The following GRID2 variants were observed in gnomAD, a reference collection of about 807,000 sequenced individuals.
GRID2 encodes glutamate receptor ionotropic, delta-2.
A neutral mutation model predicts 114.8 loss-of-function variants in GRID2; 33 were observed. The observed-to-expected ratio is 0.29, with a 90% CI of 0.22 to 0.38. GRID2 has a LOEUF of 0.38. Ranked by LOEUF, GRID2 falls within the 10% of genes least tolerant of loss-of-function variation. The pLI is 1.00. For synonymous variants in GRID2, 505 were observed against 449.9 expected (o/e 1.12, Z -1.55); for missense variants, 1,184 against 1,257.7 (o/e 0.94, Z 0.89).
chr4:92,447,662 A>C (rs1733542396), intron 1 of GRID2, among the ~76,000 whole-genome samples: 1 of 152,238 alleles, frequency 6.6e-6, no homozygotes, highest in African/African-American at 2.4e-5. Context: ...GGATGCTGAG[A>C]AGTCCAAAAT....
chr4:93,632,723 C>T (rs975473002), intron 14 of GRID2, among the ~76,000 whole-genome samples: 1 of 152,076 alleles, frequency 6.6e-6, no homozygotes, highest in African/African-American at 2.4e-5. Context: ...TCCATATGAA[C>T]TTTCAAGTCG....
intron 1 of GRID2, among the ~76,000 whole-genome samples, chr4:92,387,363 A>C (rs1230851148): frequency 6.6e-6 from 1 of 151,990 alleles, no homozygotes; most frequent in Non-Finnish European, 1.5e-5. Context: ...AAACCAAAAT[A>C]ACAAACAGCA....
chr4:92,399,044 G>C (rs1730648669), intron 1 of GRID2, among the ~76,000 whole-genome samples: 1 of 152,226 alleles, frequency 6.6e-6, no homozygotes, highest in African/African-American at 2.4e-5. Context: ...GGTTTAGTTA[G>C]AGACCAAATT....
chr4:93,752,258 A>C (rs1732385985), intron 14 of GRID2, among the ~76,000 whole-genome samples: 1 of 152,216 alleles, frequency 6.6e-6, no homozygotes, highest in Non-Finnish European at 1.5e-5. Flanking sequence ...GGATTAGGAA[A>C]ACTGAAGCTC....
intron 9 of GRID2, among the ~76,000 whole-genome samples, chr4:93,415,595 G>A (rs1237001058): frequency 1.3e-5 from 2 of 152,022 alleles, no homozygotes; most frequent in African/African-American, 4.8e-5. Flanking sequence ...ATTGCCTAAT[G>A]TGTTTGGTGA....
intron 1 of GRID2, among the ~76,000 whole-genome samples, chr4:92,466,029 T>C (rs537869463): frequency 1.7e-4 from 26 of 151,790 alleles, no homozygotes; most frequent in Admixed American, 7.2e-4. Context: ...ATTGCACATA[T>C]TTGGGGGGTA....
chr4:92,981,763 C>A (rs558846579), intron 2 of GRID2, among the ~76,000 whole-genome samples: 5 of 151,920 alleles, frequency 3.3e-5, no homozygotes, highest in African/African-American at 1.2e-4. Context: ...GGAATGCATT[C>A]TCTAAAAACA....
chr4:93,571,471 G>T (rs561201285), intron 13 of GRID2, among the ~76,000 whole-genome samples: 37 of 152,168 alleles, frequency 2.4e-4, no homozygotes, highest in Middle Eastern at 6.8e-3. Flanking sequence ...TTTGAGTAGT[G>T]CAGTTTCACA....
At chr4:92,977,887 G>A (rs1314608581) in intron 2 of GRID2, among the ~76,000 whole-genome samples, 1 of 152,144 alleles carries the variant, frequency 6.6e-6, no homozygotes, top group Non-Finnish European at 1.5e-5. Flanking sequence ...ACAGAAATGG[G>A]AGAGTTATTG....
intron 1 of GRID2, among the ~76,000 whole-genome samples, chr4:92,398,778 C>CA (rs113117064): frequency 0.08 from 12,223 of 152,086 alleles, 1,223 homozygotes; most frequent in African/African-American, 0.24. Context: ...CATGATTGTA[C>CA]AACTATTTAG....
chr4:93,314,176 G>A (rs1221474354), intron 8 of GRID2, among the ~76,000 whole-genome samples: 5 of 151,514 alleles, frequency 3.3e-5, no homozygotes, highest in African/African-American at 9.7e-5. Context: ...ATGATGGCAT[G>A]TGCCTGTAGT....
At chr4:93,525,150 A>G (rs1730759477) in intron 13 of GRID2, among the ~76,000 whole-genome samples, 1 of 152,120 alleles carries the variant, frequency 6.6e-6, no homozygotes. Flanking sequence ...TGTACAAGAC[A>G]TTGTGAGAAC....
intron 2 of GRID2, among the ~76,000 whole-genome samples, chr4:92,604,882 C>T (rs1209169699): frequency 1.3e-5 from 2 of 151,984 alleles, no homozygotes; most frequent in Admixed American, 1.3e-4. Context: ...TTCATAAGCT[C>T]CATATTCCCC....
At chr4:92,571,266 A>G (rs2149192395) in intron 1 of GRID2, among the ~76,000 whole-genome samples, 1 of 151,986 alleles carries the variant, frequency 6.6e-6, no homozygotes, top group South Asian at 2.1e-4. Flanking sequence ...TTTGCCAACA[A>G]AGATCAAAAG....
At chr4:92,888,328 T>C (rs1404199013) in intron 2 of GRID2, among the ~76,000 whole-genome samples, 3 of 152,138 alleles carry the variant, frequency 2.0e-5, no homozygotes, top group African/African-American at 7.2e-5. Context: ...TTTAATGATT[T>C]AAATATTTAG....
At position 93,137,966 on chromosome 4, in the gene GRID2, G is replaced by GTTTTTT. The variant is rs753814961; in HGVS notation, c.735+27032_735+27037dup. ...AAAGTCTAGCAAGAATTTTTTCTTC[G>GTTTTTT]TTTTTTTTTTTTTTTTTTTTTTTTG... On this transcript the variant is annotated intron_variant, in intron 4 of 15. Coordinates refer to ENST00000282020, the MANE Select transcript of GRID2 (RefSeq NM_001510.4). Among the ~76,000 whole-genome samples, 219 of 78,380 alleles carry GTTTTTT rather than the reference G, an allele frequency of 2.8e-3. 8 individuals are homozygous for GTTTTTT. The highest frequency in any genetic ancestry group is 3.6e-3 in the Non-Finnish European group (149 of 41,814). The allele number at this position is 78,380 out of a possible 152,430, so 51.4% of individuals were successfully genotyped here.
intron 2 of GRID2, among the ~76,000 whole-genome samples, chr4:92,957,825 T>A (rs1212769713): frequency 6.6e-6 from 1 of 152,072 alleles, no homozygotes; most frequent in African/African-American, 2.4e-5. Flanking sequence ...TTTTTATATC[T>A]TTCATTAGAG....
At chr4:93,533,844 T>C (rs1560723286) in intron 13 of GRID2, among the ~76,000 whole-genome samples, 1 of 152,130 alleles carries the variant, frequency 6.6e-6, no homozygotes, top group East Asian at 1.9e-4. Context: ...CTGCTTTCAA[T>C]ATTGCAATAT....
At chr4:93,258,837 T>C in intron 8 of GRID2, 1 of 448,616 alleles carries the variant, frequency 2.2e-6, no homozygotes, top group East Asian at 7.0e-5. Context: ...AACATGAAAG[T>C]AATTAACAAA....
Sources: gnomAD v4.1 joint callset for allele counts (sites outside exome capture counted in the v4.1 genomes callset) on GRCh38, gnomAD v4.1.1 for gene constraint, MANE v1.5 for transcripts, NCBI Gene and HGNC (gene_info 2026-07-23, HGNC 2026-07-21) for gene names.